The following ASCC3 variants were observed in gnomAD, a reference collection of about 807,000 sequenced individuals.
ASCC3 encodes activating signal cointegrator 1 complex subunit 3.
ASCC3 carries 158 observed loss-of-function variants against 256.3 expected under a neutral mutation model. The ratio of observed to expected loss-of-function variants is 0.62; its 90% CI spans 0.54 to 0.70. The LOEUF is 0.70. Among genes scored for constraint, ASCC3 ranks in the 30% least tolerant of loss-of-function variants. The pLI is 0.00. For missense variants in ASCC3, 2,259 were observed against 2,626.0 expected (o/e 0.86, Z 3.05); for synonymous variants, 948 against 883.4 (o/e 1.07, Z -1.30).
intron 30 of ASCC3, among the ~76,000 whole-genome samples, chr6:100,614,482 A>G (rs1162562536): frequency 6.6e-6 from 1 of 152,156 alleles, no homozygotes; most frequent in Non-Finnish European, 1.5e-5. Flanking sequence ...AACACATGTA[A>G]TCCTCACAAC....
chr6:100,874,684 C>T (rs542887867), intron 1 of ASCC3, among the ~76,000 whole-genome samples: 28 of 152,000 alleles, frequency 1.8e-4, no homozygotes, highest in African/African-American at 6.5e-4. Flanking sequence ...GATATGATTG[C>T]ACTTGCCCTC....
intron 4 of ASCC3, among the ~76,000 whole-genome samples, chr6:100,844,917 T>C (rs1353231361): frequency 6.6e-6 from 1 of 152,192 alleles, no homozygotes; most frequent in Non-Finnish European, 1.5e-5. Flanking sequence ...AACATAGATG[T>C]GCTTTCTATG....
intron 36 of ASCC3, among the ~76,000 whole-genome samples, chr6:100,568,777 A>T (rs1424858858): frequency 8.2e-4 from 118 of 143,204 alleles, no homozygotes; most frequent in African/African-American, 3.0e-3. Context: ...TATTATTATT[A>T]TTATTATTAT....
At chr6:100,665,436 G>A (rs776924166) in intron 14 of ASCC3, among the ~76,000 whole-genome samples, 3 of 151,894 alleles carry the variant, frequency 2.0e-5, no homozygotes, top group Non-Finnish European at 4.4e-5. Context: ...AAAATGAACT[G>A]GAATCTGGCC....
intron 3 of ASCC3, among the ~76,000 whole-genome samples, chr6:100,861,003 T>C (rs1174794691): frequency 6.6e-6 from 1 of 151,848 alleles, no homozygotes. Flanking sequence ...GTGAAGAAGG[T>C]GGATGAGAAA....
At position 100,531,009 on chromosome 6, in the gene ASCC3, T is replaced by C. The variant is rs575295144; in HGVS notation, c.5775+9154A>G. On this transcript the variant is annotated intron_variant, in intron 37 of 41. Transcript: ENST00000369162. Reference sequence around the variant, plus strand: ...GTTCTTATTGATGACTTTGTGGAATTTGCACGCCCTCAAACTGCTGGGACA... The same window carrying C: ...GTTCTTATTGATGACTTTGTGGAATCTGCACGCCCTCAAACTGCTGGGACA... 17 of 1,595,786 alleles carry C rather than the reference T, an allele frequency of 1.1e-5. No individual in the cohort carries two copies. The East Asian group carries it at 3.1e-4, about 29-fold the overall frequency.
chr6:100,668,971 C>T (rs1349497046), intron 14 of ASCC3, among the ~76,000 whole-genome samples: 5 of 151,104 alleles, frequency 3.3e-5, no homozygotes, highest in African/African-American at 1.2e-4. Flanking sequence ...ATGTTCTAGA[C>T]AATACTAGAC....
At chr6:100,681,173 A>C (rs920329543) in intron 13 of ASCC3, among the ~76,000 whole-genome samples, 1 of 152,312 alleles carries the variant, frequency 6.6e-6, no homozygotes, top group South Asian at 2.1e-4. Context: ...AGAAACTGGA[A>C]TGCTTAAATA....
At chr6:100,573,830 T>C (rs1770721346) in intron 36 of ASCC3, among the ~76,000 whole-genome samples, 1 of 152,158 alleles carries the variant, frequency 6.6e-6, no homozygotes, top group Admixed American at 6.6e-5. Flanking sequence ...TAAATATGAC[T>C]TAACTTATAT....
intron 3 of ASCC3, among the ~76,000 whole-genome samples, chr6:100,860,909 T>C (rs372503420): frequency 3.3e-5 from 5 of 152,232 alleles, no homozygotes; most frequent in African/African-American, 1.2e-4. Context: ...AGGAGTTTTA[T>C]GTATCATTCT....
chr6:100,825,236 A>G (rs1245065915), intron 4 of ASCC3, among the ~76,000 whole-genome samples: 1 of 150,622 alleles, frequency 6.6e-6, no homozygotes. Context: ...AACACAAATT[A>G]GTAAACTTTC....
intron 5 of ASCC3, among the ~76,000 whole-genome samples, 188 bp downstream of exon 5, chr6:100,805,572 C>T (rs756793200): frequency 1.3e-5 from 2 of 152,080 alleles, no homozygotes; most frequent in Non-Finnish European, 2.9e-5. Flanking sequence ...CATACCCAAA[C>T]ACTGCCCTCC....
chr6:100,762,248 C>T (rs1003982408), intron 10 of ASCC3, among the ~76,000 whole-genome samples: 2 of 147,176 alleles, frequency 1.4e-5, no homozygotes, highest in African/African-American at 5.0e-5. Flanking sequence ...CCTCCCCCTA[C>T]GAGGATGAGC....
intron 13 of ASCC3, among the ~76,000 whole-genome samples, chr6:100,690,061 C>A (rs1046300163): frequency 5.9e-5 from 9 of 152,040 alleles, no homozygotes; most frequent in African/African-American, 2.2e-4. Context: ...ATACAGTCTT[C>A]CCTTGGTATC....
intron 20 of ASCC3, among the ~76,000 whole-genome samples, chr6:100,649,954 A>T (rs1775574128): frequency 6.6e-6 from 1 of 151,570 alleles, no homozygotes; most frequent in Non-Finnish European, 1.5e-5. Flanking sequence ...GGTATTTTTT[A>T]AAAGTTATAA....
intron 1 of ASCC3, among the ~76,000 whole-genome samples, chr6:100,868,293 G>A (rs1267783801): frequency 6.6e-6 from 1 of 152,124 alleles, no homozygotes; most frequent in Non-Finnish European, 1.5e-5. Flanking sequence ...CCCAAGTACA[G>A]GCATCAAATA....
rs1349824888 is a variant in ASCC3, at chr6:100,520,421, TCTC to T, written c.5776-2282_5776-2280del. Among the ~76,000 whole-genome samples the T allele has an allele frequency of 3.0e-3, 461 of 151,836 alleles. 1 individual carries two copies. The highest frequency in any genetic ancestry group is 0.011 in the African/African-American group (440 of 41,420). On this transcript the variant is annotated intron_variant, in intron 37 of 41. Coordinates refer to ENST00000369162, the MANE Select transcript of ASCC3 (RefSeq NM_006828.4). ...AGCCTTGCTTTAAATGTTTCCTTCT[TCTC>T]CTTCTTCTTCTTTTTTTTTTTTCTT...
chr6:100,871,823 A>T (rs1773756418), intron 1 of ASCC3, among the ~76,000 whole-genome samples: 1 of 152,150 alleles, frequency 6.6e-6, no homozygotes, highest in African/African-American at 2.4e-5. Flanking sequence ...AAGAGAATAC[A>T]ACTCTTTTAT....
chr6:100,516,974 C>G (rs936100870), intron 38 of ASCC3, among the ~76,000 whole-genome samples: 3 of 151,930 alleles, frequency 2.0e-5, no homozygotes, highest in African/African-American at 7.2e-5. Context: ...CTGCTGAAAC[C>G]CTACTCCCAT....
Sources: allele counts gnomAD v4.1 joint callset (sites outside exome capture counted in the v4.1 genomes callset), GRCh38; gene constraint gnomAD v4.1.1; transcripts MANE v1.5; gene names NCBI Gene and HGNC (gene_info 2026-07-23, HGNC 2026-07-21).